The following CSMD1 variants were observed in gnomAD, a reference collection of about 807,000 sequenced individuals.
CSMD1 encodes the protein CUB and Sushi multiple domains 1, also known as CUB and sushi domain-containing protein 1.
CSMD1 carries 213 observed loss-of-function variants against 417.5 expected under a neutral mutation model. The ratio of observed to expected loss-of-function variants is 0.51; its 90% CI spans 0.46 to 0.57. The LOEUF (loss-of-function observed/expected upper bound fraction) is 0.57. Among genes scored for constraint, CSMD1 ranks in the 20% least tolerant of loss-of-function variants. The probability of loss-of-function intolerance (pLI) is 0.00; values close to 1 mark genes in which losing one functional copy is unlikely to be tolerated. For synonymous variants in CSMD1, 2,862 were observed against 1,736.8 expected, an observed-to-expected ratio of 1.65 and a Z score of -16.11; for missense variants, 6,923 against 4,529.7, an observed-to-expected ratio of 1.53 and a Z score of -15.17.
chr8:4,752,722 C>T (rs1360777753), intron 1 of CSMD1, among the ~76,000 whole-genome samples: 1 of 152,066 alleles, frequency 6.6e-6, no homozygotes, highest in East Asian at 1.9e-4. Context: ...TTTGGGGCAA[C>T]GAAAAAGTTG....
At chr8:3,312,734 G>C (rs1168920712) in intron 23 of CSMD1, among the ~76,000 whole-genome samples, 3 of 152,150 alleles carry the variant, frequency 2.0e-5, no homozygotes, top group African/African-American at 4.8e-5. Context: ...CTAGGGAGAA[G>C]AGTGCTGCCT....
At chr8:3,714,049 T>TAGATAGAC (rs1305493486) in intron 6 of CSMD1, among the ~76,000 whole-genome samples, 36 of 151,666 alleles carry the variant, frequency 2.4e-4, no homozygotes, top group Admixed American at 1.6e-3. Context: ...GATAGATAGA[T>TAGATAGAC]AGATAGATAG....
chr8:3,306,064 G>T (rs1483969529), intron 25 of CSMD1, among the ~76,000 whole-genome samples: 1 of 152,008 alleles, frequency 6.6e-6, no homozygotes, highest in Non-Finnish European at 1.5e-5. Context: ...TGTTGTTCTT[G>T]CTCCTTTTAT....
At position 3,445,807 on chromosome 8, in the gene CSMD1, C is replaced by A. The variant is rs377701701; in HGVS notation, c.1561+22905G>T. On this transcript the variant is annotated intron_variant, in intron 12 of 69. Transcript: ENST00000635120. ...AACTTTGAGAAAAGACAAAACATAA[C>A]ACCCAAAGGCAACTGAGGGATTATA... 2.0e-5 allele frequency among the ~76,000 whole-genome samples: 3 copies of A among 152,164 alleles called. No homozygotes were observed. The East Asian group carries it at 5.8e-4, about 29-fold the overall frequency.
intron 3 of CSMD1, among the ~76,000 whole-genome samples, chr8:4,270,644 T>G (rs554548412): frequency 2.0e-4 from 30 of 152,304 alleles, no homozygotes; most frequent in African/African-American, 7.0e-4. Flanking sequence ...GCCCCTCAAA[T>G]GAAGATCGCG....
rs1803996382 is a variant in CSMD1, at chr8:4,144,554, T to C, written c.416-112455A>G. ...TTCCCTCCAGAATCTGGTTAGAGTCTCCTAATTGTTATCTGGATTGCTCAG... is the reference window on the plus strand; with the variant it reads ...TTCCCTCCAGAATCTGGTTAGAGTCCCCTAATTGTTATCTGGATTGCTCAG... On this transcript the variant is annotated intron_variant, in intron 3 of 69. Coordinates refer to ENST00000635120, the MANE Select transcript of CSMD1 (RefSeq NM_033225.6). Among the ~76,000 whole-genome samples, 9 of 151,106 alleles carry C rather than the reference T, an allele frequency of 6.0e-5. 1 individual carries two copies. The highest frequency in any genetic ancestry group is 5.9e-4 in the Admixed American group (9 of 15,242).
At chr8:3,445,174 C>A (rs1006893475) in intron 12 of CSMD1, among the ~76,000 whole-genome samples, 1 of 152,184 alleles carries the variant, frequency 6.6e-6, no homozygotes, top group African/African-American at 2.4e-5. Context: ...TAACACAGTA[C>A]ACTTTTAATA....
intron 47 of CSMD1, among the ~76,000 whole-genome samples, chr8:3,093,825 A>C (rs902225395): frequency 1.3e-5 from 2 of 152,222 alleles, no homozygotes; most frequent in African/African-American, 2.4e-5. Flanking sequence ...AGAGAGAAGG[A>C]GGATGAGAAG....
intron 2 of CSMD1, among the ~76,000 whole-genome samples, chr8:4,501,565 G>C (rs987545828): frequency 3.3e-5 from 5 of 152,062 alleles, no homozygotes; most frequent in African/African-American, 1.2e-4. Context: ...GGTCCACTGA[G>C]GTCTGAAAAC....
intron 2 of CSMD1, among the ~76,000 whole-genome samples, chr8:4,471,570 G>C (rs1056323184): frequency 6.6e-6 from 1 of 151,952 alleles, no homozygotes; most frequent in Non-Finnish European, 1.5e-5. Context: ...AATAACGAAG[G>C]CCCGTTTTAG....
At chr8:3,859,213 G>A (rs992315722) in intron 5 of CSMD1, among the ~76,000 whole-genome samples, 14 of 152,150 alleles carry the variant, frequency 9.2e-5, no homozygotes, top group Non-Finnish European at 1.5e-4. Flanking sequence ...GAGTACGTGG[G>A]AAAGCCACCA....
At chr8:4,240,610 G>C (rs553981714) in intron 3 of CSMD1, among the ~76,000 whole-genome samples, 2 of 152,144 alleles carry the variant, frequency 1.3e-5, no homozygotes, top group African/African-American at 2.4e-5. Context: ...TTCACACTGA[G>C]GATGGCTATC....
At chr8:4,463,023 GAA>G (rs1563202469) in intron 2 of CSMD1, among the ~76,000 whole-genome samples, 1 of 152,118 alleles carries the variant, frequency 6.6e-6, no homozygotes. Context: ...ATAGAATAGG[GAA>G]AGTTTGCAAA....
chr8:3,970,264 T>G (rs1260070550), intron 5 of CSMD1, among the ~76,000 whole-genome samples: 3 of 152,146 alleles, frequency 2.0e-5, no homozygotes, highest in Admixed American at 2.0e-4. Context: ...ACCAGAACGC[T>G]GTATGTCCGA....
chr8:3,902,997 T>C (rs1807858430), intron 5 of CSMD1, among the ~76,000 whole-genome samples: 1 of 152,164 alleles, frequency 6.6e-6, no homozygotes, highest in East Asian at 1.9e-4. Context: ...TTATTCTTTC[T>C]AGTCTTACGA....
At chr8:4,115,766 G>T (rs1219035064) in intron 3 of CSMD1, among the ~76,000 whole-genome samples, 2 of 151,690 alleles carry the variant, frequency 1.3e-5, no homozygotes, top group African/African-American at 4.8e-5. Context: ...AAAGAAATAA[G>T]CTATCAAGCC....
Position 3,118,371 on chromosome 8 carries a change from T to C in CSMD1, c.6430+28A>G, listed in dbSNP as rs747087772. 5.9e-6 allele frequency: 9 copies of C among 1,537,476 alleles called. No homozygotes were observed. In the South Asian group the frequency reaches 1.0e-4, roughly 18 times the overall value. On this transcript the variant is annotated intron_variant, in intron 42 of 69. Coordinates refer to ENST00000635120, the MANE Select transcript of CSMD1 (RefSeq NM_033225.6). The stretch of plus-strand genomic sequence containing the variant: ...GCTATTATGCCCATGAAACATTAAA[T>C]CGCCCCCATGCAAAGTGATGAACTT...
intron 7 of CSMD1, among the ~76,000 whole-genome samples, chr8:3,642,437 A>G (rs1217570301): frequency 6.6e-6 from 1 of 152,164 alleles, no homozygotes; most frequent in Non-Finnish European, 1.5e-5. Flanking sequence ...ATATGGCTCT[A>G]AAGACCTCTA....
chr8:3,532,957 G>C (rs896030159), intron 10 of CSMD1, among the ~76,000 whole-genome samples: 3 of 152,082 alleles, frequency 2.0e-5, no homozygotes, highest in Non-Finnish European at 4.4e-5. Flanking sequence ...TTATCATGTA[G>C]AGTCTCATAC....
Sources: gnomAD v4.1 joint callset for allele counts (sites outside exome capture counted in the v4.1 genomes callset) on GRCh38, gnomAD v4.1.1 for gene constraint, MANE v1.5 for transcripts, NCBI Gene and HGNC (gene_info 2026-07-23, HGNC 2026-07-21) for gene names.